Variants in CRTC3 observed in about 807,000 individuals in gnomAD.
CRTC3 encodes the protein CREB-regulated transcription coactivator 3.
A neutral mutation model predicts 74.5 loss-of-function variants in CRTC3; 26 were observed. The ratio of observed to expected loss-of-function variants is 0.35; its 90% confidence interval spans 0.26 to 0.48. The LOEUF is 0.48. Among genes scored for constraint, CRTC3 ranks in the 20% least tolerant of loss-of-function variants. The pLI, the probability that CRTC3 is intolerant of heterozygous loss-of-function variation, is 0.99. For missense variants in CRTC3, 760 were observed against 787.3 expected (o/e 0.97, Z 0.41); for synonymous variants, 377 against 325.8 (o/e 1.16, Z -1.69).
chr15:90,639,843 C>T (rs1969375970), intron 13 of CRTC3, among the ~76,000 whole-genome samples: 1 of 150,936 alleles, frequency 6.6e-6, no homozygotes, highest in South Asian at 2.1e-4. Context: ...GTCAGGAGAT[C>T]GAGACCATCC....
rs199930154 is a variant in CRTC3, at chr15:90,614,219, TCAGA to T, written c.578-227_578-224del. 6.7e-3 allele frequency: 3,118 copies of T among 462,414 alleles called. 74 individuals carry two copies. Among genetic ancestry groups the T allele is most frequent in the African/African-American group, 0.056 (2,781 of 49,980 alleles). The allele number at this position is 462,414 out of a possible 1,614,324, so 28.6% of individuals were successfully genotyped here. On this transcript the variant is annotated intron_variant, in intron 6 of 14. Transcript: ENST00000268184. The stretch of plus-strand genomic sequence containing the variant: ...TCAGGACAGTGACAGTAAGAAAATT[TCAGA>T]CAGACAATTTTAAAGGAAAAGAAAA...
In CRTC3 at chr15:90,635,817, A is replaced by C. The variant is rs4932361; in HGVS notation, c.1267-2629A>C. ...AGATTCGATCGTGAAATTTCTTCTA[A>C]AGAATAAAATACCTAGGAATCCAAC... On this transcript the variant is annotated intron_variant, in intron 11 of 14. Transcript: ENST00000268184. Among the ~76,000 whole-genome samples the C allele has an allele frequency of 2.9e-4, 44 of 152,018 alleles. 3 individuals carry two copies. The South Asian group carries it at 5.0e-3, about 17-fold the overall frequency.
At chr15:90,542,976 TTAA>T (rs1352020039) in intron 2 of CRTC3, among the ~76,000 whole-genome samples, 10 of 152,008 alleles carry the variant, frequency 6.6e-5, no homozygotes, top group African/African-American at 2.4e-4. Flanking sequence ...ATGTGTCCTG[TTAA>T]TGATGATGTT....
intron 14 of CRTC3, 99 bp downstream of exon 14, chr15:90,641,298 A>G: frequency 3.5e-6 from 3 of 858,304 alleles, no homozygotes; most frequent in Non-Finnish European, 3.8e-6. Context: ...TATATAAAGC[A>G]AAAAGTTAAC....
At chr15:90,538,475 C>T (rs1469350982) in intron 1 of CRTC3, among the ~76,000 whole-genome samples, 1 of 152,080 alleles carries the variant, frequency 6.6e-6, no homozygotes, top group Non-Finnish European at 1.5e-5. Flanking sequence ...TTTCGTATGC[C>T]TTTAAAATTT....
At chr15:90,632,824 C>T (rs953368792) in intron 11 of CRTC3, among the ~76,000 whole-genome samples, 4 of 152,194 alleles carry the variant, frequency 2.6e-5, no homozygotes, top group African/African-American at 4.8e-5. Flanking sequence ...AGGCTGGTTT[C>T]GAACTCCTGA....
intron 11 of CRTC3, among the ~76,000 whole-genome samples, chr15:90,633,571 GA>G (rs1969120933): frequency 6.6e-6 from 1 of 152,172 alleles, no homozygotes; most frequent in Admixed American, 6.5e-5. Flanking sequence ...CCAGTGTTCT[GA>G]AACTTCAAGA....
chr15:90,613,124 A>C (rs542181474), intron 6 of CRTC3, among the ~76,000 whole-genome samples: 1 of 117,360 alleles, frequency 8.5e-6, no homozygotes, highest in African/African-American at 3.7e-5. Context: ...TGGAGGTTGC[A>C]GTGAGCCAAG....
intron 3 of CRTC3, among the ~76,000 whole-genome samples, chr15:90,601,930 G>A (rs368073577): frequency 5.3e-4 from 81 of 152,128 alleles, no homozygotes; most frequent in African/African-American, 1.8e-3. Flanking sequence ...TTCTGTTTGC[G>A]TCGTGAGCCG....
intron 2 of CRTC3, among the ~76,000 whole-genome samples, chr15:90,547,087 CTTTTA>C (rs1369931361): frequency 3.3e-5 from 5 of 152,006 alleles, no homozygotes; most frequent in Admixed American, 6.6e-5. Context: ...TACAATTCTC[CTTTTA>C]TTTTTATTAT....
In CRTC3 at chr15:90,556,571, G is replaced by A. The variant is rs575515205; in HGVS notation, c.231+16434G>A. On this transcript the variant is annotated intron_variant, in intron 2 of 14. Transcript: ENST00000268184. ...CACAAAATTTAATCACACGGGCCTA[G>A]AGGCTGGTGAGTGACCAAGGCTGCC... Among the ~76,000 whole-genome samples the A allele has an allele frequency of 5.3e-5, 8 of 152,316 alleles. No homozygotes were observed. In the East Asian group the frequency reaches 1.3e-3, roughly 26 times the overall value.
At chr15:90,542,606 A>G (rs1177959271) in intron 2 of CRTC3, among the ~76,000 whole-genome samples, 2 of 152,210 alleles carry the variant, frequency 1.3e-5, no homozygotes, top group Non-Finnish European at 2.9e-5. Context: ...CCATCAAGAT[A>G]AGAAAATTAA....
intron 4 of CRTC3, among the ~76,000 whole-genome samples, chr15:90,602,653 AAACAAC>A (rs145435527): frequency 4.1e-4 from 61 of 150,336 alleles, no homozygotes; most frequent in East Asian, 5.9e-4. Flanking sequence ...CAAACAAACA[AAACAAC>A]AACAACAACA....
At chr15:90,584,533 G>A (rs1373194781) in intron 2 of CRTC3, among the ~76,000 whole-genome samples, 9 of 152,222 alleles carry the variant, frequency 5.9e-5, no homozygotes, top group Admixed American at 2.6e-4. Flanking sequence ...CACCGTGCCC[G>A]GCCCCCAGCA....
intron 2 of CRTC3, among the ~76,000 whole-genome samples, chr15:90,579,767 C>T (rs1242680562): frequency 6.6e-6 from 1 of 151,256 alleles, no homozygotes; most frequent in Non-Finnish European, 1.5e-5. Flanking sequence ...TCAGCCTCCC[C>T]AGTAGCTGGG....
At chr15:90,552,346 A>G (rs2151062113) in intron 2 of CRTC3, among the ~76,000 whole-genome samples, 1 of 152,308 alleles carries the variant, frequency 6.6e-6, no homozygotes, top group South Asian at 2.1e-4. Flanking sequence ...CTATTCCAAA[A>G]TGGTTCTGTC....
chr15:90,618,517 G>T (rs1445489813), intron 8 of CRTC3, among the ~76,000 whole-genome samples: 1 of 152,198 alleles, frequency 6.6e-6, no homozygotes, highest in East Asian at 1.9e-4. Context: ...CTCACCCACT[G>T]TGGAAGAAAG....
Position 90,530,640 on chromosome 15 carries a change from C to T in CRTC3, c.132+437C>T, listed in dbSNP as rs1260343299. ...TGCCGGCGTGGAAGGCCGCGGGCAC[C>T]CCAGGGTCCCACGCGCTCGTGGGGG... On this transcript the variant is annotated intron_variant, in intron 1 of 14. Transcript: ENST00000268184. The surrounding 1 kb of genome is among the most constrained non-coding windows in gnomAD (Gnocchi z 6.2). The T allele has an allele frequency of 6.6e-6, 1 of 152,172 alleles. No individual in the cohort carries two copies. The highest frequency in any genetic ancestry group is 6.5e-5 in the Admixed American group (1 of 15,282). The allele number at this position is 152,172 out of a possible 1,614,324, so 9.4% of individuals were successfully genotyped here.
intron 2 of CRTC3, 112 bp from the exon 3 acceptor site, chr15:90,593,524 A>C (rs560375464): frequency 7.9e-7 from 1 of 1,267,340 alleles, no homozygotes; most frequent in Non-Finnish European, 1.1e-6. Context: ...CTAATGTATA[A>C]TAAGTAAAAC....
Sources: gnomAD v4.1 joint callset for allele counts (sites outside exome capture counted in the v4.1 genomes callset) on GRCh38, gnomAD v4.1.1 for gene constraint, Gnocchi (gnomAD v3.1) non-coding constraint, MANE v1.5 for transcripts, NCBI Gene and HGNC (gene_info 2026-07-23, HGNC 2026-07-21) for gene names.